TTC6: variants seen among roughly 807,000 people sequenced by gnomAD.
TTC6 encodes the protein tetratricopeptide repeat protein 6.
Under a neutral mutation model 210.4 loss-of-function variants are expected in TTC6, and 172 were observed. The ratio of observed to expected loss-of-function variants is 0.82; its 90% CI spans 0.72 to 0.93. TTC6 has a LOEUF of 0.93. Ranked by LOEUF, TTC6 falls within the 40% of genes least tolerant of loss-of-function variation. The pLI is 0.00. For synonymous variants in TTC6, 804 were observed against 819.6 expected, an observed-to-expected ratio of 0.98 and a Z score of 0.32; for missense variants, 2,414 against 2,318.1, an observed-to-expected ratio of 1.04 and a Z score of -0.85.
chr14:37,691,175 C>T (rs965176201), intron 3 of TTC6, among the ~76,000 whole-genome samples: 3 of 151,978 alleles, frequency 2.0e-5, no homozygotes, highest in Admixed American at 6.6e-5. Context: ...ACTAAAAATA[C>T]AAAAATTAGC....
chr14:37,811,796 A>G (rs1023045923), intron 24 of TTC6, among the ~76,000 whole-genome samples: 1 of 152,186 alleles, frequency 6.6e-6, no homozygotes, highest in African/African-American at 2.4e-5. Context: ...GTTAGTTTTA[A>G]GATCTATTTT....
chr14:37,695,141 A>G (rs901376832), intron 3 of TTC6, among the ~76,000 whole-genome samples: 1 of 152,078 alleles, frequency 6.6e-6, no homozygotes, highest in Admixed American at 6.6e-5. Flanking sequence ...AGGCACAGAA[A>G]GACAAACATC....
chr14:37,806,550 A>G lies in TTC6; in HGVS notation c.4314+40A>G, dbSNP rs1318628056. 7 of 1,456,178 alleles carry G rather than the reference A, an allele frequency of 4.8e-6. No homozygotes were observed. The Admixed American group carries it at 1.6e-4, about 34-fold the overall frequency. The allele number at this position is 1,456,178 out of a possible 1,614,324, so 90.2% of individuals were successfully genotyped here. A position where few individuals can be genotyped will look rare whatever the true frequency, so the allele number is the denominator to read the frequency against. On this transcript the variant is annotated intron_variant, in intron 22 of 30. Transcript: ENST00000553443. ...GTTTTTAGTGAGTTGGAAAGTGTTA[A>G]GTTTGGTAAAACTATTAAATCTTTT...
chr14:37,618,206 T>C (rs2095645806), upstream of TTC6, among the ~76,000 whole-genome samples: 1 of 152,206 alleles, frequency 6.6e-6, no homozygotes, highest in South Asian at 2.1e-4. Context: ...GTCTAGAGAA[T>C]TCAAGTGTGC....
chr14:37,724,172 A>C (rs2095867134), intron 6 of TTC6, among the ~76,000 whole-genome samples: 1 of 152,118 alleles, frequency 6.6e-6, no homozygotes, highest in East Asian at 1.9e-4. Flanking sequence ...AAATTTAAAA[A>C]TTATTAAATT....
At chr14:37,696,903 A>G in intron 4 of TTC6, 68 bp downstream of exon 6, 1 of 624,742 alleles carries the variant, frequency 1.6e-6, no homozygotes, top group South Asian at 5.3e-5. Flanking sequence ...AGACATGAAA[A>G]TACATTTTTA....
At chr14:37,745,078 G>GTA (rs984542109) in intron 10 of TTC6, among the ~76,000 whole-genome samples, 8 of 151,732 alleles carry the variant, frequency 5.3e-5, no homozygotes, top group Admixed American at 1.3e-4. Flanking sequence ...ATGTGTGTGT[G>GTA]TATATATATA....
Position 37,842,153 on chromosome 14 carries a change from A to G in TTC6, c.5525-2A>G. ...TATATCTTGATTTTTTTTCTTTTGCAGCCCTGTCTTTGAAGCCTAATGATG... is the reference window on the plus strand; with the variant it reads ...TATATCTTGATTTTTTTTCTTTTGCGGCCCTGTCTTTGAAGCCTAATGATG... On this transcript the variant is annotated splice_acceptor_variant, in intron 30 of 30. Coordinates refer to ENST00000553443, the Ensembl canonical transcript of TTC6. LOFTEE classifies it high-confidence loss of function. 1 of 1,529,328 alleles carries G rather than the reference A, an allele frequency of 6.5e-7. No homozygotes were observed. Among genetic ancestry groups the G allele is most frequent in the Non-Finnish European group, 8.7e-7 (1 of 1,143,928 alleles). The allele number at this position is 1,529,328 out of a possible 1,614,324, so 94.7% of individuals were successfully genotyped here.
intron 14 of TTC6, among the ~76,000 whole-genome samples, chr14:37,769,304 A>T (rs956078760): frequency 1.3e-5 from 2 of 151,654 alleles, no homozygotes; most frequent in Admixed American, 1.3e-4. Context: ...TATCAGAATG[A>T]TGCTGGCCTC....
chr14:37,625,121 CA>C (rs1461418621), intron 1 of TTC6, among the ~76,000 whole-genome samples: 4 of 152,096 alleles, frequency 2.6e-5, no homozygotes, highest in Non-Finnish European at 5.9e-5. Flanking sequence ...ACCCCCACCC[CA>C]CAACAATTCC....
intron 5 of TTC6, among the ~76,000 whole-genome samples, chr14:37,704,592 T>G (rs552163466): frequency 4.6e-4 from 70 of 152,236 alleles, no homozygotes; most frequent in Non-Finnish European, 8.1e-4. Context: ...CTCTTTTGTA[T>G]TGTTTTGTAA....
intron 9 of TTC6, among the ~76,000 whole-genome samples, chr14:37,738,272 C>T (rs2095907476): frequency 6.6e-6 from 1 of 151,352 alleles, no homozygotes; most frequent in Non-Finnish European, 1.5e-5. Flanking sequence ...GATTCTGTTA[C>T]TTCCTATTAT....
intron 7 of TTC6, among the ~76,000 whole-genome samples, chr14:37,733,050 AG>A (rs1323840882): frequency 6.6e-6 from 1 of 152,180 alleles, no homozygotes; most frequent in Non-Finnish European, 1.5e-5. Context: ...ATGTTATTCA[AG>A]GGTCAACGGT....
intron 5 of TTC6, among the ~76,000 whole-genome samples, chr14:37,710,893 C>A (rs1009756841): frequency 1.3e-5 from 2 of 151,956 alleles, no homozygotes; most frequent in East Asian, 3.9e-4. Flanking sequence ...GATTTCATCC[C>A]AGGATATTCT....
At chr14:37,836,756 C>T (rs983253455) in intron 29 of TTC6, among the ~76,000 whole-genome samples, 1 of 152,144 alleles carries the variant, frequency 6.6e-6, no homozygotes, top group Non-Finnish European at 1.5e-5. Context: ...TTCCCTGTCA[C>T]CCTCTACCCT....
chr14:37,607,483 T>C (rs1384002937), intron 2 of TTC6, among the ~76,000 whole-genome samples: 2 of 152,332 alleles, frequency 1.3e-5, no homozygotes, highest in East Asian at 1.9e-4. Flanking sequence ...AGATACTAAA[T>C]TGAAGACAAG....
intron 2 of TTC6, among the ~76,000 whole-genome samples, chr14:37,680,543 T>G (rs904611914): frequency 2.6e-5 from 4 of 152,096 alleles, no homozygotes; most frequent in Admixed American, 6.6e-5. Flanking sequence ...AGAAGGTAGG[T>G]GGATAATTAA....
chr14:37,832,810 A>T (rs1315165264), intron 29 of TTC6, among the ~76,000 whole-genome samples: 3 of 152,100 alleles, frequency 2.0e-5, no homozygotes, highest in African/African-American at 7.2e-5. Context: ...CTATAATCCC[A>T]GCACTTTGGG....
At chr14:37,634,261 T>A (rs1241322411) in intron 1 of TTC6, among the ~76,000 whole-genome samples, 2 of 151,840 alleles carry the variant, frequency 1.3e-5, no homozygotes, top group Non-Finnish European at 2.9e-5. Context: ...AGCAGAAAAG[T>A]AGAAAGTCTC....
Sources: allele counts gnomAD v4.1 joint callset (sites outside exome capture counted in the v4.1 genomes callset), GRCh38; gene constraint gnomAD v4.1.1; transcripts MANE v1.5; gene names NCBI Gene and HGNC (gene_info 2026-07-23, HGNC 2026-07-21).